Variants in HDX observed in about 807,000 individuals in gnomAD.
The protein encoded by HDX is highly divergent homeobox.
Under a neutral mutation model 45.2 loss-of-function variants are expected in HDX, and 19 were observed. The observed-to-expected ratio is 0.42, with a 90% CI of 0.29 to 0.62. The LOEUF (loss-of-function observed/expected upper bound fraction) is 0.62, where lower values mean the gene tolerates loss of function less well. Among genes scored for constraint, HDX ranks in the 20% least tolerant of loss-of-function variants. HDX has a pLI of 0.20. For missense variants in HDX, 532 were observed against 493.9 expected (o/e 1.08, Z -0.73); for synonymous variants, 188 against 172.8 (o/e 1.09, Z -0.69).
chrX:84,322,495 T>A (rs184627384), intron 10 of HDX, among the ~76,000 whole-genome samples: 42 of 111,381 alleles, frequency 3.8e-4, no homozygotes, highest in African/African-American at 1.3e-3. Flanking sequence ...TCCAGCTATT[T>A]TACTTTAGAC....
intron 4 of HDX, among the ~76,000 whole-genome samples, chrX:84,448,444 C>T (rs1386052653): frequency 9.0e-6 from 1 of 110,836 alleles, no homozygotes; most frequent in Non-Finnish European, 1.9e-5. Flanking sequence ...CCACTGAGGC[C>T]CATCTGAATG....
At chrX:84,355,368 G>C (rs999700033) in intron 6 of HDX, among the ~76,000 whole-genome samples, 1 of 110,671 alleles carries the variant, frequency 9.0e-6, no homozygotes, top group Non-Finnish European at 1.9e-5. Flanking sequence ...AATTGTCCTC[G>C]AGGACTTAAC....
intron 5 of HDX, among the ~76,000 whole-genome samples, chrX:84,368,662 G>A (rs1433798893): frequency 1.8e-5 from 2 of 111,633 alleles, no homozygotes; most frequent in African/African-American, 6.5e-5. Context: ...TCAATCTACA[G>A]TTCAGTAGTG....
rs1569321665 is a variant in HDX, at chrX:84,406,517, C to CAT, written c.1305+34013_1305+34014dup. On this transcript the variant is annotated intron_variant, in intron 5 of 10. Transcript: ENST00000373177. Reference sequence around the variant, plus strand: ...ACACACACATACACACACACACACACATACACACACACACACACTCTATGT... The same window carrying CAT: ...ACACACACATACACACACACACACACATATACACACACACACACACTCTATGT... 2.1e-4 allele frequency among the ~76,000 whole-genome samples: 9 copies of CAT among 42,761 alleles called. No individual in the cohort carries two copies. In the South Asian group the frequency reaches 0.022, roughly 106 times the overall value. 37.1% of individuals were successfully genotyped at this position (42,761 alleles called of 115,157 possible).
intron 5 of HDX, among the ~76,000 whole-genome samples, chrX:84,384,103 T>A (rs773523857): frequency 5.7e-4 from 64 of 111,953 alleles, no homozygotes; most frequent in African/African-American, 2.1e-3. Flanking sequence ...GTTCAACTCT[T>A]AGTTCTTTGA....
intron 5 of HDX, among the ~76,000 whole-genome samples, chrX:84,364,017 ATG>A (rs548637677): frequency 2.1e-3 from 232 of 111,787 alleles, no homozygotes; most frequent in South Asian, 0.013. Flanking sequence ...TTATATTGCA[ATG>A]TATAATAATA....
At chrX:84,422,018 A>C (rs6616941) in intron 5 of HDX, among the ~76,000 whole-genome samples, 8,457 of 97,097 alleles carry the variant, frequency 0.087, 464 homozygotes, top group East Asian at 0.41. Context: ...GAACCAACAA[A>C]AAAAAAAAAA....
intron 1 of HDX, among the ~76,000 whole-genome samples, chrX:84,496,852 T>G (rs1265850408): frequency 8.9e-6 from 1 of 111,835 alleles, no homozygotes; most frequent in Non-Finnish European, 1.9e-5. Flanking sequence ...CATTTTACAA[T>G]GCCTGGATCT....
intron 5 of HDX, among the ~76,000 whole-genome samples, chrX:84,373,799 A>G (rs1406341546): frequency 9.0e-6 from 1 of 111,559 alleles, no homozygotes; most frequent in Non-Finnish European, 1.9e-5. Context: ...CACAGCCAAT[A>G]TCATACTGAT....
intron 1 of HDX, among the ~76,000 whole-genome samples, chrX:84,495,737 T>C (rs1257411673): frequency 9.0e-6 from 1 of 111,515 alleles, no homozygotes; most frequent in Non-Finnish European, 1.9e-5. Context: ...TTTGTCAGTG[T>C]AGGAAAAATT....
intron 5 of HDX, among the ~76,000 whole-genome samples, chrX:84,396,608 G>A (rs1280916020): frequency 5.3e-5 from 6 of 112,315 alleles, no homozygotes; most frequent in Non-Finnish European, 1.1e-4. Context: ...ATGGGCAATT[G>A]CAGTAGCATT....
chrX:84,433,307 A>G (rs1427295035), intron 5 of HDX, among the ~76,000 whole-genome samples: 1 of 111,766 alleles, frequency 8.9e-6, no homozygotes, highest in Admixed American at 9.5e-5. Flanking sequence ...TCTTTCTAGT[A>G]GCTTTGTAGC....
At chrX:84,351,933 G>A (rs1263902741) in intron 6 of HDX, among the ~76,000 whole-genome samples, 1 of 111,980 alleles carries the variant, frequency 8.9e-6, no homozygotes, top group Non-Finnish European at 1.9e-5. Context: ...CACTTTATAT[G>A]ACTCGAATTT....
At position 84,344,141 on chromosome X, in the gene HDX, G is replaced by A. The variant is rs187262837; in HGVS notation, c.1660+109C>T. The A allele has an allele frequency of 5.5e-6, 3 of 547,657 alleles. No individual in the cohort carries two copies. The East Asian group carries it at 1.1e-4, about 19-fold the overall frequency. The allele number at this position is 547,657 out of a possible 1,213,427, so 45.1% of individuals were successfully genotyped here. On this transcript the variant is annotated intron_variant, in intron 7 of 10. Coordinates refer to ENST00000373177, the MANE Select transcript of HDX (RefSeq NM_001177479.2). ...ATAAATCTATTGTTTCAAATACTTG[G>A]CCAAATGTTTTGAAGACTCTAGACT... is the stretch of plus-strand genomic sequence containing the variant.
chrX:84,447,694 C>T (rs1454595289), intron 4 of HDX, among the ~76,000 whole-genome samples: 12 of 111,405 alleles, frequency 1.1e-4, no homozygotes, highest in South Asian at 7.6e-4. Flanking sequence ...CCTGCATCTC[C>T]GAATCCCTGA....
At chrX:84,383,451 A>C (rs1481177235) in intron 5 of HDX, among the ~76,000 whole-genome samples, 1 of 111,767 alleles carries the variant, frequency 8.9e-6, no homozygotes, top group Non-Finnish European at 1.9e-5. Context: ...AAGCTTAAGT[A>C]TATTGTCATT....
chrX:84,352,436 C>A (rs1489536454), intron 6 of HDX, among the ~76,000 whole-genome samples: 1 of 112,049 alleles, frequency 8.9e-6, no homozygotes, highest in African/African-American at 3.2e-5. Flanking sequence ...AGGAGAAATA[C>A]TAGTTTAAAA....
chrX:84,362,660 G>C (rs1398042830), intron 5 of HDX, among the ~76,000 whole-genome samples: 1 of 110,701 alleles, frequency 9.0e-6, no homozygotes, highest in African/African-American at 3.3e-5. Flanking sequence ...GGGTTCTGTT[G>C]CGTTCTTCTG....
At chrX:84,374,113 T>C (rs779884926) in intron 5 of HDX, among the ~76,000 whole-genome samples, 53 of 110,728 alleles carry the variant, frequency 4.8e-4, no homozygotes, top group African/African-American at 1.5e-3. Context: ...TATACACCAA[T>C]AATAGACAAA....
Sources: gnomAD v4.1 joint callset for allele counts (sites outside exome capture counted in the v4.1 genomes callset) on GRCh38, gnomAD v4.1.1 for gene constraint, MANE v1.5 for transcripts, NCBI Gene and HGNC (gene_info 2026-07-23, HGNC 2026-07-21) for gene names.